The following TRPV6 variants were observed in gnomAD, a reference collection of about 807,000 sequenced individuals.
The protein encoded by TRPV6 is Alu-binding protein with zinc finger domain.
Under a neutral mutation model 79.0 loss-of-function variants are expected in TRPV6, and 39 were observed. The ratio of observed to expected loss-of-function variants is 0.49; its 90% CI spans 0.38 to 0.64. The LOEUF is 0.64. Among genes scored for constraint, TRPV6 ranks in the 30% least tolerant of loss-of-function variants. The pLI, the probability that TRPV6 is intolerant of heterozygous loss-of-function variation, is 0.00. For missense variants in TRPV6, 813 were observed against 1,011.1 expected (o/e 0.80, Z 2.66); for synonymous variants, 373 against 391.9 (o/e 0.95, Z 0.57).
chr7:142,885,372 G>T lies in TRPV6; in HGVS notation c.248+17C>A. 1 of 1,605,688 alleles carries T rather than the reference G, an allele frequency of 6.2e-7. No individual in the cohort carries two copies. The highest frequency in any genetic ancestry group is 1.1e-5 in the South Asian group (1 of 89,696). Reference sequence around the variant, plus strand: ...GCCTGGGGAGGTGGGGAAGGGAGCAGACCAAGGGGGCCTTACCTCTTCTGC... The same window carrying T: ...GCCTGGGGAGGTGGGGAAGGGAGCATACCAAGGGGGCCTTACCTCTTCTGC... On this transcript the variant is annotated intron_variant, in intron 1 of 14. Transcript: ENST00000359396.
rs765769880 is a variant in TRPV6, at chr7:142,873,576, T to C, written c.1780A>G (p.Met594Val). Residue 594 changes from methionine to valine, a missense_variant, in exon 13 of 15, where the codon ATG becomes GTG. This residue lies in a region of TRPV6 where 94 missense variants were observed against 194.0 expected (regional missense o/e 0.48). Coordinates refer to ENST00000359396, the MANE Select transcript of TRPV6 (RefSeq NM_018646.6). The surrounding 1 kb of genome is among the most constrained non-coding windows in gnomAD (Gnocchi z 4.8). ...AAGGCAGCATAGGTGATGCTGTACA[T>C]GAAGGGCAGGTCCACGTTGTAGTTG... 1.1e-5 allele frequency: 17 copies of C among 1,614,054 alleles called. No homozygotes were observed. Among genetic ancestry groups the C allele is most frequent in the Non-Finnish European group, 1.4e-5 (17 of 1,180,042 alleles).
chr7:142,876,153 T>A, intron 6 of TRPV6: 1 of 685,474 alleles, frequency 1.5e-6, no homozygotes. Flanking sequence ...CTCTGGGGGC[T>A]GAAAGGGAAG....
At position 142,875,492 on chromosome 7, in the gene TRPV6, G is replaced by T. The variant is rs961057532; in HGVS notation, c.1218C>A (p.Thr406=). Residue 406 remains threonine, a synonymous_variant, in exon 8 of 15, where the codon ACC becomes ACA. Transcript: ENST00000359396. Reference sequence around the variant, plus strand: ...CCTGAAGTAGCTTCTGCTGTAAGAGGGTGTTGTCCCGGGGGCTCGTGCGGT... The same window carrying T: ...CCTGAAGTAGCTTCTGCTGTAAGAGTGTGTTGTCCCGGGGGCTCGTGCGGT... The T allele has an allele frequency of 6.3e-7, 1 of 1,593,674 alleles. No individual in the cohort carries two copies. Among genetic ancestry groups the T allele is most frequent in the Non-Finnish European group, 8.5e-7 (1 of 1,171,356 alleles).
At chr7:142,884,912 T>A (rs1795271354) in intron 1 of TRPV6, 1 of 152,584 alleles carries the variant, frequency 6.6e-6, no homozygotes, top group Non-Finnish European at 1.5e-5. Context: ...TATTTTCTGG[T>A]TCCTGGTGTC....
chr7:142,883,470 T>A (rs994251193), intron 1 of TRPV6: 1 of 152,288 alleles, frequency 6.6e-6, no homozygotes, highest in African/African-American at 2.4e-5. Context: ...ATTTACTTGC[T>A]CTAGGGTTCT....
In TRPV6 at chr7:142,875,572, T is replaced by C. The variant is rs778806967; in HGVS notation, c.1138A>G (p.Ile380Val). Residue 380 changes from isoleucine to valine, a missense_variant, in exon 8 of 15, where the codon ATC (isoleucine) becomes GTC (valine). Ile to Val is a conservative substitution (Grantham distance 29, BLOSUM62 3). Coordinates refer to ENST00000359396, the MANE Select transcript of TRPV6 (RefSeq NM_018646.6). ...ATGCAGCACATGGTGAAGCAGATGA[T>C]GTACAGCAGATATATGGCACCCAGC... is the stretch of plus-strand genomic sequence containing the variant. 2 of 1,613,514 alleles carry C rather than the reference T, an allele frequency of 1.2e-6. No individual in the cohort carries two copies. The highest frequency in any genetic ancestry group is 1.7e-6 in the Non-Finnish European group (2 of 1,179,954).
At chr7:142,872,116 A>G in intron 14 of TRPV6, 127 bp from the exon 15 acceptor site, 1 of 1,354,230 alleles carries the variant, frequency 7.4e-7, no homozygotes, top group Non-Finnish European at 9.9e-7. Flanking sequence ...TTCTGCAGCC[A>G]TGGTGGATGC....
rs765241122 is a variant in TRPV6 at position 142,877,294 on chromosome 7, G to A, written c.470-15C>T. On this transcript the variant is annotated splice_polypyrimidine_tract_variant and intron_variant, in intron 3 of 14. Transcript: ENST00000359396. ...TGCAGTCTGACCTGGCCCAGAGACA[G>A]CTGTCAGTCACGGGTCTGTCCCCAG... 6.2e-7 allele frequency: 1 copy of A among 1,612,656 alleles called. No homozygotes were observed. Among genetic ancestry groups the A allele is most frequent in the Non-Finnish European group, 8.5e-7 (1 of 1,178,728 alleles).
Position 142,885,422 on chromosome 7 carries a change from C to A in TRPV6, c.215G>T (p.Ser72Ile). The A allele has an allele frequency of 6.2e-7, 1 of 1,613,806 alleles. No homozygotes were observed. The highest frequency in any genetic ancestry group is 1.3e-5 in the African/African-American group (1 of 75,044). ...CTGCAGCAGGTTCTGCTCATCTCGG[C>A]TCTGGGCCCAGGACTCCCGTCTCTG... Residue 72 changes from serine (S) to isoleucine (I), a missense_variant, in exon 1 of 15, where the codon AGC becomes ATC. Physicochemically the swap from Ser to Ile is moderately radical, Grantham distance 142. Transcript: ENST00000359396.
chr7:142,876,270 G>T, intron 6 of TRPV6, 138 bp downstream of exon 6: 1 of 1,281,646 alleles, frequency 7.8e-7, no homozygotes, highest in South Asian at 1.5e-5. Flanking sequence ...TAACCACAGT[G>T]GGAGGGGTTG....
Position 142,873,940 on chromosome 7 carries a change from C to G in TRPV6, c.1639+136G>C. The G allele has an allele frequency of 8.8e-7, 1 of 1,131,518 alleles. No homozygotes were observed. Among genetic ancestry groups the G allele is most frequent in the Non-Finnish European group, 1.3e-6 (1 of 775,122 alleles). 70.1% of individuals were successfully genotyped at this position (1,131,518 alleles called of 1,614,324 possible). ...CCCGATTTTTCTCACCTCTGGAGGA[C>G]GTCCCATCCTCTGATACCATAGGTC... On this transcript the variant is annotated intron_variant, in intron 12 of 14. Coordinates refer to ENST00000359396, the MANE Select transcript of TRPV6 (RefSeq NM_018646.6). This position sits in a 1 kb window ranked among gnomAD's most constrained non-coding sequence, Gnocchi z 4.8.
At chr7:142,878,653 G>C (rs1795131945) in intron 1 of TRPV6, 1 of 152,454 alleles carries the variant, frequency 6.6e-6, no homozygotes, top group South Asian at 2.1e-4. Flanking sequence ...AACAAGCCTG[G>C]CTCCAGGCCT....
intron 10 of TRPV6, 57 bp downstream of exon 10, chr7:142,874,847 G>A: frequency 6.2e-7 from 1 of 1,603,154 alleles, no homozygotes; most frequent in South Asian, 1.1e-5. Flanking sequence ...GGAATCCAAG[G>A]AGTGGAACTG....
intron 1 of TRPV6, chr7:142,884,220 G>A (rs969565998): frequency 6.6e-6 from 1 of 152,224 alleles, no homozygotes; most frequent in Non-Finnish European, 1.5e-5. Context: ...CCAGGCCTTG[G>A]GGGAGAGGTG....
In TRPV6 at chr7:142,873,616, G is replaced by T; in HGVS notation, c.1740C>A (p.Ile580=). Residue 580 remains isoleucine (I), a synonymous_variant, in exon 13 of 15, where the codon ATC becomes ATA. Coordinates refer to ENST00000359396, the MANE Select transcript of TRPV6 (RefSeq NM_018646.6). This position sits in a 1 kb window ranked among gnomAD's most constrained non-coding sequence, Gnocchi z 4.8. The stretch of plus-strand genomic sequence containing the variant: ...CGTTGTAGTTGGCTGGGCCATCGAT[G>T]ATGGTAAGGAACAGCTCGAAGGTGC... 21 of 1,614,210 alleles carry T rather than the reference G, an allele frequency of 1.3e-5. No homozygotes were observed. Among genetic ancestry groups the T allele is most frequent in the Non-Finnish European group, 1.8e-5 (21 of 1,180,034 alleles).
Position 142,876,472 on chromosome 7 carries a change from T to C in TRPV6, c.818A>G (p.Asp273Gly), listed in dbSNP as rs1362652683. The change falls in exon 6 of 15, where the codon GAC becomes GGC. Residue 273 changes from aspartate (D) to glycine (G), a missense_variant. Physicochemically the swap from Asp to Gly is moderately conservative, Grantham distance 94. Transcript: ENST00000359396. The stretch of plus-strand genomic sequence containing the variant: ...GAGACCCTGGTGATTGGGCACGAGG[T>C]CCAGGGGCTGCAGGTGGTCCCCATG... The C allele has an allele frequency of 6.2e-7, 1 of 1,614,062 alleles. No individual in the cohort carries two copies. Among genetic ancestry groups the C allele is most frequent in the South Asian group, 1.1e-5 (1 of 91,088 alleles).
In TRPV6 at chr7:142,874,969, G is replaced by T. The variant is rs1300114985; in HGVS notation, c.1341C>A (p.Ile447=). ...AGAAGCGAGTGACCCCCATTCTGAA[G>T]ATGTCTGGAACCTGAAGAGGTCAGG... The change falls in exon 10 of 15, where the codon ATC becomes ATA. Residue 447 remains isoleucine (I), a synonymous_variant. Transcript: ENST00000359396. The T allele has an allele frequency of 6.2e-7, 1 of 1,614,024 alleles. No homozygotes were observed. The highest frequency in any genetic ancestry group is 8.5e-7 in the Non-Finnish European group (1 of 1,180,048).
chr7:142,885,716 G>T lies in TRPV6; in HGVS notation c.-80C>A. ...CCAGTTTGGAGAGGGCTGTGAGTTT[G>T]TTACACTTGGCAGAGCCAGCCAGGA... On this transcript the variant is annotated 5_prime_UTR_variant, in exon 1 of 15. Coordinates refer to ENST00000359396, the MANE Select transcript of TRPV6 (RefSeq NM_018646.6). 1.5e-6 allele frequency: 1 copy of T among 652,854 alleles called. No individual in the cohort carries two copies. Among genetic ancestry groups the T allele is most frequent in the Non-Finnish European group, 2.4e-6 (1 of 413,388 alleles). The allele number at this position is 652,854 out of a possible 1,614,324, so 40.4% of individuals were successfully genotyped here.
Position 142,872,386 on chromosome 7 carries a change from G to C in TRPV6, c.2001C>G (p.Asp667Glu), listed in dbSNP as rs1348197464. The change falls in exon 14 of 15, where the codon GAC becomes GAG. Residue 667 changes from aspartate (D) to glutamate (E), a missense_variant. By Grantham distance (45) the Asp-to-Glu change is conservative. Around this residue, in one of 3 missense-constraint regions of TRPV6, gnomAD observed 164 missense variants for 186.1 expected, o/e 0.88. Transcript: ENST00000359396. ...ATATCACTCACCGCAGGAACCAGCG[G>C]TCTCCCAGGCCATACTCCCGTCCGC... The C allele has an allele frequency of 4.3e-6, 7 of 1,614,084 alleles. No homozygotes were observed. The Admixed American group carries it at 1.2e-4, about 27-fold the overall frequency.
Sources: allele counts gnomAD v4.1 joint callset, GRCh38; gene constraint gnomAD v4.1.1; regional missense constraint gnomAD v4.1.1; non-coding constraint Gnocchi (gnomAD v3.1); transcripts MANE v1.5; gene names NCBI Gene and HGNC (gene_info 2026-07-23, HGNC 2026-07-21).